Variants in GLIS3 observed in about 807,000 individuals in gnomAD.
GLIS3 encodes zinc finger protein GLIS3.
A neutral mutation model predicts 78.6 loss-of-function variants in GLIS3; 53 were observed. The observed-to-expected ratio is 0.67, with a 90% confidence interval of 0.54 to 0.85. The LOEUF (loss-of-function observed/expected upper bound fraction) is 0.85, where lower values mean the gene tolerates loss of function less well. Ranked by LOEUF, GLIS3 falls within the 40% of genes least tolerant of loss-of-function variation. GLIS3 has a pLI of 0.00. For missense variants in GLIS3, 1,703 were observed against 1,231.1 expected, an observed-to-expected ratio of 1.38 and a Z score of -5.74; for synonymous variants, 684 against 509.9, an observed-to-expected ratio of 1.34 and a Z score of -4.60.
rs1293884713 is a variant in GLIS3, at chr9:4,321,281, G to GCGCA, written n.265-10754_265-10753insTGCG. On this transcript the variant is annotated intron_variant and non_coding_transcript_variant, in intron 2 of 4. Transcript: ENST00000471664. ...TAAAAATACAAAAAAAATTAGCCGG[G>GCGCA]AGTGGTGGCGGGCGCCTGTAGTCCC... Among the ~76,000 whole-genome samples, 8 of 124,136 alleles carry GCGCA rather than the reference G, an allele frequency of 6.4e-5. 1 individual carries two copies. The highest frequency in any genetic ancestry group is 3.2e-4 in the African/African-American group (8 of 24,830). The allele number at this position is 124,136 out of a possible 152,430, so 81.4% of individuals were successfully genotyped here.
intron 5 of GLIS3, among the ~76,000 whole-genome samples, chr9:3,935,686 A>G (rs1203061169): frequency 6.6e-6 from 1 of 152,188 alleles, no homozygotes; most frequent in Non-Finnish European, 1.5e-5. Flanking sequence ...AGACCATTTT[A>G]GGCACAACAA....
intron 3 of GLIS3, among the ~76,000 whole-genome samples, chr9:4,309,796 G>A (rs1054330079): frequency 2.0e-5 from 3 of 151,784 alleles, no homozygotes; most frequent in Non-Finnish European, 4.4e-5. Context: ...ATTGCAACAA[G>A]CAACTCAGCT....
chr9:4,370,885 G>A, the GLIS3 span, among the ~76,000 whole-genome samples: 4 of 152,014 alleles, frequency 2.6e-5, no homozygotes, highest in Non-Finnish European at 1.5e-5. Context: ...CCACAAATTA[G>A]TGAAACCTCA....
At chr9:4,282,267 G>A (rs1383225835) in intron 2 of GLIS3, among the ~76,000 whole-genome samples, 1 of 152,124 alleles carries the variant, frequency 6.6e-6, no homozygotes, top group Non-Finnish European at 1.5e-5. Flanking sequence ...AAATTTATGT[G>A]TCAACTTGAC....
At chr9:4,115,248 T>C (rs1831545870) in intron 4 of GLIS3, among the ~76,000 whole-genome samples, 2 of 152,240 alleles carry the variant, frequency 1.3e-5, no homozygotes, top group East Asian at 1.9e-4. Flanking sequence ...GTTAAACATA[T>C]ATAAAACTAA....
At chr9:4,057,588 AT>A (rs1826253589) in intron 4 of GLIS3, among the ~76,000 whole-genome samples, 1 of 152,190 alleles carries the variant, frequency 6.6e-6, no homozygotes, top group Non-Finnish European at 1.5e-5. Context: ...AAAAAGCACA[AT>A]GTAAAGTCAC....
At chr9:4,146,014 G>A (rs772385754) in intron 2 of GLIS3, among the ~76,000 whole-genome samples, 65 of 152,218 alleles carry the variant, frequency 4.3e-4, no homozygotes, top group Middle Eastern at 3.4e-3. Context: ...TAACTAATTT[G>A]GCAATTTTAA....
At chr9:3,866,833 C>T (rs1367610899) in intron 8 of GLIS3, among the ~76,000 whole-genome samples, 1 of 152,110 alleles carries the variant, frequency 6.6e-6, no homozygotes, top group Non-Finnish European at 1.5e-5. Flanking sequence ...AAGGGTAGCT[C>T]TTGTGGTGTA....
At chr9:4,133,825 TACACACACACACACACAC>T (rs138728219) in intron 2 of GLIS3, among the ~76,000 whole-genome samples, 59 of 121,800 alleles carry the variant, frequency 4.8e-4, no homozygotes, top group East Asian at 1.5e-3. Flanking sequence ...CAAGACCTTC[TACACACACACACACACAC>T]ACACACACAC....
At chr9:3,959,555 A>G (rs1285407339) in intron 4 of GLIS3, among the ~76,000 whole-genome samples, 2 of 152,128 alleles carry the variant, frequency 1.3e-5, no homozygotes, top group Non-Finnish European at 2.9e-5. Flanking sequence ...ATGTGATCCA[A>G]TCTCTGCCAC....
At chr9:4,279,629 T>C (rs534012058) in intron 2 of GLIS3, among the ~76,000 whole-genome samples, 3 of 152,072 alleles carry the variant, frequency 2.0e-5, no homozygotes, top group Non-Finnish European at 4.4e-5. Flanking sequence ...ATGTTTATTT[T>C]TTACTGTCTG....
intron 2 of GLIS3, among the ~76,000 whole-genome samples, chr9:4,217,129 G>A (rs532435890): frequency 2.0e-5 from 3 of 152,160 alleles, no homozygotes; most frequent in Non-Finnish European, 2.9e-5. Context: ...ATGCGGTCTG[G>A]AAACATGAAG....
chr9:4,194,257 A>C lies in GLIS3; in HGVS notation c.389-68316T>G, dbSNP rs1377427923. Among the ~76,000 whole-genome samples the C allele has an allele frequency of 3.9e-5, 6 of 152,036 alleles. No individual in the cohort carries two copies. In the East Asian group the frequency reaches 1.2e-3, roughly 30 times the overall value. On this transcript the variant is annotated intron_variant, in intron 2 of 10. Coordinates refer to ENST00000381971, the MANE Select transcript of GLIS3 (RefSeq NM_001042413.2). ...TGTATTTTAGTAGAGACGGGGTTTC[A>C]CCATGTTGCCCAGGCTGGTCTCAAA...
intron 2 of GLIS3, among the ~76,000 whole-genome samples, chr9:4,269,301 T>C (rs930090543): frequency 5.3e-5 from 8 of 152,156 alleles, no homozygotes; most frequent in Admixed American, 2.6e-4. Context: ...TATTATAATA[T>C]CATATGCACA....
chr9:4,212,013 G>A (rs1820422684), intron 2 of GLIS3, among the ~76,000 whole-genome samples: 1 of 152,194 alleles, frequency 6.6e-6, no homozygotes, highest in Non-Finnish European at 1.5e-5. Context: ...GCCTGGGGCT[G>A]GGAGTGGGAA....
intron 4 of GLIS3, among the ~76,000 whole-genome samples, chr9:4,003,016 T>C (rs1269500633): frequency 6.6e-6 from 1 of 152,220 alleles, no homozygotes. Context: ...ATTTGTTTAA[T>C]CCACTGTAGT....
intron 2 of GLIS3, among the ~76,000 whole-genome samples, chr9:4,180,517 A>C (rs1817216353): frequency 6.6e-6 from 1 of 152,204 alleles, no homozygotes; most frequent in South Asian, 2.1e-4. Context: ...CATACTGCCC[A>C]GTATCACACA....
At chr9:3,940,330 C>A (rs1364564864) in intron 4 of GLIS3, among the ~76,000 whole-genome samples, 1 of 152,056 alleles carries the variant, frequency 6.6e-6, no homozygotes, top group Non-Finnish European at 1.5e-5. Context: ...ACTTTGTAAA[C>A]TGACATCTAA....
At chr9:4,315,396 T>A (rs1302144151) in intron 2 of GLIS3, among the ~76,000 whole-genome samples, 2 of 152,204 alleles carry the variant, frequency 1.3e-5, no homozygotes, top group Non-Finnish European at 2.9e-5. Flanking sequence ...ACTCAGTCCA[T>A]GTTCTAAAAC....
Sources: allele counts gnomAD v4.1 joint callset (sites outside exome capture counted in the v4.1 genomes callset), GRCh38; gene constraint gnomAD v4.1.1; transcripts MANE v1.5; gene names NCBI Gene and HGNC (gene_info 2026-07-23, HGNC 2026-07-21).